The following SCARA5 variants were observed in gnomAD, a reference collection of about 807,000 sequenced individuals.
SCARA5 encodes scavenger receptor class A member 5.
Under a neutral mutation model 46.3 loss-of-function variants are expected in SCARA5, and 45 were observed. The observed-to-expected ratio is 0.97, with a 90% CI of 0.76 to 1.24. The LOEUF (loss-of-function observed/expected upper bound fraction) is 1.24. SCARA5 is among the 50% of genes most tolerant of loss of function. The pLI is 0.00. For synonymous variants in SCARA5, 333 were observed against 306.5 expected, an observed-to-expected ratio of 1.09 and a Z score of -0.90; for missense variants, 680 against 689.0, an observed-to-expected ratio of 0.99 and a Z score of 0.15.
At chr8:27,966,180 C>G (rs568446122) in intron 3 of SCARA5, among the ~76,000 whole-genome samples, 1 of 152,330 alleles carries the variant, frequency 6.6e-6, no homozygotes, top group South Asian at 2.1e-4. Flanking sequence ...GAAGCCACTC[C>G]AAGCAGCTAG....
At chr8:27,943,698 C>T (rs1807986702) in intron 3 of SCARA5, among the ~76,000 whole-genome samples, 1 of 152,178 alleles carries the variant, frequency 6.6e-6, no homozygotes, top group East Asian at 1.9e-4. Flanking sequence ...TGTCTGCAGC[C>T]ACCTTACATT....
Position 27,875,932 on chromosome 8 carries a change from T to G in SCARA5, c.1351+3637A>C, listed in dbSNP as rs148144692. ...AGGAGGATTGCTTGAGCCTGGGAGGTCGAGGCTGCAGCAAGCTATGATTGC... is the reference window on the plus strand; with the variant it reads ...AGGAGGATTGCTTGAGCCTGGGAGGGCGAGGCTGCAGCAAGCTATGATTGC... On this transcript the variant is annotated intron_variant, in intron 8 of 8. Transcript: ENST00000354914. Among the ~76,000 whole-genome samples, 491 of 151,972 alleles carry G rather than the reference T, an allele frequency of 3.2e-3. 3 individuals are homozygous for G. Among genetic ancestry groups the G allele is most frequent in the African/African-American group, 0.011 (471 of 41,420 alleles).
chr8:27,960,919 T>C (rs1424454621), intron 3 of SCARA5, among the ~76,000 whole-genome samples: 1 of 152,210 alleles, frequency 6.6e-6, no homozygotes, highest in Non-Finnish European at 1.5e-5. Context: ...ACTGGTTGTG[T>C]AGGTCATGGT....
intron 3 of SCARA5, among the ~76,000 whole-genome samples, chr8:27,965,624 G>T (rs1223639590): frequency 1.3e-5 from 2 of 152,234 alleles, no homozygotes; most frequent in African/African-American, 2.4e-5. Context: ...CTGCTGCAAG[G>T]CAGGTACTCA....
In SCARA5 at chr8:27,917,537, C is replaced by T. The variant is rs868567042; in HGVS notation, c.916+4034G>A. Among the ~76,000 whole-genome samples the T allele has an allele frequency of 2.0e-5, 3 of 152,196 alleles. No homozygotes were observed. The South Asian group carries it at 6.2e-4, about 32-fold the overall frequency. On this transcript the variant is annotated intron_variant, in intron 4 of 8. Coordinates refer to ENST00000354914, the MANE Select transcript of SCARA5 (RefSeq NM_173833.6). ...CTGCTTACAGCTCGGAAGCAAAATG[C>T]TTCCATCCCAACAACCAGGGTTTCT...
intron 6 of SCARA5, 78 bp downstream of exon 6, chr8:27,907,070 T>C (rs2129759684): frequency 1.0e-6 from 1 of 983,912 alleles, no homozygotes; most frequent in East Asian, 2.6e-5. Context: ...AAGATAAGAG[T>C]CCTGGTCCCC....
chr8:27,888,705 C>T (rs1001232101), intron 7 of SCARA5, among the ~76,000 whole-genome samples: 12 of 152,180 alleles, frequency 7.9e-5, no homozygotes, highest in Admixed American at 3.9e-4. Context: ...GATCCCACTT[C>T]GGTTTGGTTA....
intron 8 of SCARA5, 132 bp from the exon 9 acceptor site, chr8:27,872,202 TCCACGCCCCC>T: frequency 1.2e-6 from 1 of 800,276 alleles, no homozygotes; most frequent in Non-Finnish European, 2.0e-6. Context: ...AGCTGCCCTC[TCCACGCCCCC>T]CGAAGACCTC....
intron 7 of SCARA5, among the ~76,000 whole-genome samples, chr8:27,900,821 C>T (rs1241657286): frequency 6.8e-6 from 1 of 148,074 alleles, no homozygotes; most frequent in African/African-American, 2.5e-5. Context: ...GGCCAAACTC[C>T]CAAAAGCCAA....
chr8:27,966,389 C>G (rs777438087), intron 3 of SCARA5, 25 bp downstream of exon 3: 61 of 1,578,070 alleles, frequency 3.9e-5, no homozygotes, highest in Non-Finnish European at 5.1e-5. Context: ...CCCAAAAGAC[C>G]AGGACAAAAA....
At chr8:27,897,015 C>A (rs551386031) in intron 7 of SCARA5, among the ~76,000 whole-genome samples, 1 of 152,050 alleles carries the variant, frequency 6.6e-6, no homozygotes, top group African/African-American at 2.4e-5. Flanking sequence ...TCGCTTGAAC[C>A]CAGGAGCAGG....
intron 4 of SCARA5, among the ~76,000 whole-genome samples, chr8:27,919,298 G>A (rs1158780918): frequency 6.6e-6 from 1 of 151,878 alleles, no homozygotes; most frequent in Non-Finnish European, 1.5e-5. Flanking sequence ...GGATGAGGAG[G>A]GCCCTGCAGG....
chr8:27,943,616 G>A (rs1248625495), intron 3 of SCARA5, among the ~76,000 whole-genome samples: 2 of 152,216 alleles, frequency 1.3e-5, no homozygotes, highest in East Asian at 3.8e-4. Context: ...CCGACTTCAA[G>A]CTACCAACAT....
At chr8:27,965,619 G>A (rs770980101) in intron 3 of SCARA5, among the ~76,000 whole-genome samples, 2 of 152,226 alleles carry the variant, frequency 1.3e-5, no homozygotes, top group Non-Finnish European at 2.9e-5. Context: ...GGAGCCTGCT[G>A]CAAGGCAGGT....
chr8:27,979,746 A>C (rs1481749472), intron 2 of SCARA5, among the ~76,000 whole-genome samples: 1 of 151,986 alleles, frequency 6.6e-6, no homozygotes, highest in Non-Finnish European at 1.5e-5. Flanking sequence ...ATTTTAGTAG[A>C]GACAGGGTTC....
At chr8:27,935,167 C>T (rs141642170) in intron 3 of SCARA5, among the ~76,000 whole-genome samples, 118 of 152,274 alleles carry the variant, frequency 7.7e-4, no homozygotes, top group Non-Finnish European at 9.0e-4. Flanking sequence ...CATTCTGACC[C>T]GGGAGACAGT....
chr8:27,880,562 G>T (rs1249654926), intron 7 of SCARA5, among the ~76,000 whole-genome samples: 5 of 152,098 alleles, frequency 3.3e-5, no homozygotes, highest in Non-Finnish European at 7.4e-5. Flanking sequence ...GGGCAAAAGA[G>T]CGGCTGGGCT....
chr8:27,941,196 A>C (rs187276336), intron 3 of SCARA5, among the ~76,000 whole-genome samples: 1 of 152,224 alleles, frequency 6.6e-6, no homozygotes, highest in Non-Finnish European at 1.5e-5. Flanking sequence ...AGATTTTATA[A>C]TTCAGAATAG....
chr8:27,966,311 A>T (rs1248992521), intron 3 of SCARA5, 103 bp downstream of exon 3: 2 of 1,211,360 alleles, frequency 1.7e-6, no homozygotes, highest in Non-Finnish European at 2.3e-6. Context: ...TTCCATGGTG[A>T]CAAGGGCAGT....
Sources: allele counts gnomAD v4.1 joint callset (sites outside exome capture counted in the v4.1 genomes callset), GRCh38; gene constraint gnomAD v4.1.1; transcripts MANE v1.5; gene names NCBI Gene and HGNC (gene_info 2026-07-23, HGNC 2026-07-21).